SHISA6: variants seen among roughly 807,000 people sequenced by gnomAD.
The protein encoded by SHISA6 is shisa family member 6, also known as protein shisa-6.
Under a neutral mutation model 47.9 loss-of-function variants are expected in SHISA6, and 22 were observed. That is an observed-to-expected ratio of 0.46 (90% CI 0.33 to 0.66). The LOEUF (loss-of-function observed/expected upper bound fraction) is 0.66, where lower values mean the gene tolerates loss of function less well. Ranked by LOEUF, SHISA6 falls within the 30% of genes least tolerant of loss-of-function variation. The pLI, the probability that SHISA6 is intolerant of heterozygous loss-of-function variation, is 0.02. For missense variants in SHISA6, 680 were observed against 764.6 expected (o/e 0.89, Z 1.30); for synonymous variants, 388 against 337.8 (o/e 1.15, Z -1.63).
At chr17:11,366,455 G>A (rs1165029897) in intron 2 of SHISA6, among the ~76,000 whole-genome samples, 1 of 152,244 alleles carries the variant, frequency 6.6e-6, no homozygotes, top group African/African-American at 2.4e-5. Context: ...TGTATGTTAA[G>A]TGTAATATGA....
At chr17:11,523,122 T>C (rs1400790656) in intron 3 of SHISA6, among the ~76,000 whole-genome samples, 3 of 152,170 alleles carry the variant, frequency 2.0e-5, no homozygotes, top group African/African-American at 7.2e-5. Flanking sequence ...AAAAATCCCA[T>C]GGTAAGTTTT....
intron 2 of SHISA6, among the ~76,000 whole-genome samples, chr17:11,277,835 C>T (rs1335730545): frequency 6.6e-6 from 1 of 152,148 alleles, no homozygotes; most frequent in Non-Finnish European, 1.5e-5. Context: ...GCGTTCCAGA[C>T]ATCAGGAGGG....
chr17:11,359,806 A>G (rs1421676192), intron 2 of SHISA6, among the ~76,000 whole-genome samples: 1 of 152,208 alleles, frequency 6.6e-6, no homozygotes, highest in East Asian at 1.9e-4. Flanking sequence ...AAGCAACAGC[A>G]ACAAAAAACA....
chr17:11,395,002 T>C (rs562156276), intron 3 of SHISA6, among the ~76,000 whole-genome samples: 37 of 142,626 alleles, frequency 2.6e-4, no homozygotes, highest in East Asian at 6.0e-4. Context: ...TCTTTTCTTT[T>C]TTTTTTTTTT....
At chr17:11,350,557 A>C (rs915436921) in intron 2 of SHISA6, among the ~76,000 whole-genome samples, 9 of 152,180 alleles carry the variant, frequency 5.9e-5, no homozygotes, top group African/African-American at 2.2e-4. Flanking sequence ...CATCATATCT[A>C]GTTGATTCCT....
intron 2 of SHISA6, among the ~76,000 whole-genome samples, chr17:11,339,361 A>C (rs1040835093): frequency 6.6e-6 from 1 of 152,206 alleles, no homozygotes; most frequent in Non-Finnish European, 1.5e-5. Context: ...GAAAGATCTG[A>C]AATAGTAATC....
intron 2 of SHISA6, among the ~76,000 whole-genome samples, chr17:11,377,509 G>A (rs1912845464): frequency 6.6e-6 from 1 of 152,206 alleles, no homozygotes; most frequent in Non-Finnish European, 1.5e-5. Context: ...AGACTCTTGA[G>A]CCCTGTCCTG....
At chr17:11,281,406 T>G (rs559448323) in intron 2 of SHISA6, among the ~76,000 whole-genome samples, 19 of 152,326 alleles carry the variant, frequency 1.2e-4, no homozygotes, top group African/African-American at 4.6e-4. Flanking sequence ...TCTGTTGAGA[T>G]GATGATACAG....
At chr17:11,273,928 G>T (rs112335708) in intron 2 of SHISA6, among the ~76,000 whole-genome samples, 4,043 of 148,956 alleles carry the variant, frequency 0.027, 190 homozygotes, top group African/African-American at 0.093. Context: ...ATCATTTTAT[G>T]CCATTCAGGA....
At chr17:11,455,388 T>C (rs1025335016) in intron 3 of SHISA6, among the ~76,000 whole-genome samples, 1 of 152,150 alleles carries the variant, frequency 6.6e-6, no homozygotes, top group Non-Finnish European at 1.5e-5. Context: ...AAACGTGATG[T>C]AAATGTGAGA....
intron 2 of SHISA6, among the ~76,000 whole-genome samples, chr17:11,278,010 G>A (rs114999204): frequency 0.017 from 2,566 of 152,238 alleles, 75 homozygotes; most frequent in African/African-American, 0.058. Flanking sequence ...TGGCTATTGG[G>A]GGCTATTAAT....
chr17:11,385,104 C>T (rs543526303), intron 3 of SHISA6, among the ~76,000 whole-genome samples: 2 of 152,092 alleles, frequency 1.3e-5, no homozygotes, highest in Non-Finnish European at 2.9e-5. Context: ...GAGTTAGGAG[C>T]TTTGGAGCAA....
At chr17:11,340,522 T>C (rs1454519042) in intron 2 of SHISA6, among the ~76,000 whole-genome samples, 1 of 152,174 alleles carries the variant, frequency 6.6e-6, no homozygotes, top group African/African-American at 2.4e-5. Flanking sequence ...TTGCTTCTGC[T>C]CCATTCTGTT....
intron 3 of SHISA6, among the ~76,000 whole-genome samples, chr17:11,477,348 C>T (rs1184611376): frequency 6.6e-6 from 1 of 151,924 alleles, no homozygotes; most frequent in Non-Finnish European, 1.5e-5. Flanking sequence ...CATTTTCTTT[C>T]TGTCTTTTGT....
intron 3 of SHISA6, among the ~76,000 whole-genome samples, chr17:11,505,539 TG>T (rs2071491934): frequency 6.6e-6 from 1 of 152,220 alleles, no homozygotes; most frequent in South Asian, 2.1e-4. Context: ...AACACTGTTC[TG>T]GGAACCCGTC....
chr17:11,533,372 G>A (rs188010600), intron 3 of SHISA6, among the ~76,000 whole-genome samples: 113 of 152,066 alleles, frequency 7.4e-4, no homozygotes, highest in African/African-American at 2.5e-3. Context: ...TCAATTTGGC[G>A]TTAAAGTGCC....
intron 2 of SHISA6, among the ~76,000 whole-genome samples, chr17:11,350,182 A>ATTTATTTTTTTTTTTTTT (rs964679787): frequency 4.3e-5 from 5 of 116,234 alleles, no homozygotes; most frequent in Non-Finnish European, 6.9e-5. Context: ...TTATTTATTT[A>ATTTATTTTTTTTTTTTTT]TTTTTTTTTT....
At chr17:11,497,782 C>T (rs1029787254) in intron 3 of SHISA6, among the ~76,000 whole-genome samples, 1 of 152,110 alleles carries the variant, frequency 6.6e-6, no homozygotes, top group Non-Finnish European at 1.5e-5. Flanking sequence ...CCTTCTCTGT[C>T]TCTCGCATCC....
At chr17:11,292,051 A>G (rs996106690) in intron 2 of SHISA6, among the ~76,000 whole-genome samples, 1 of 152,146 alleles carries the variant, frequency 6.6e-6, no homozygotes, top group African/African-American at 2.4e-5. Context: ...CTACTGTCTT[A>G]GCAGCGTTCA....
Sources: allele counts gnomAD v4.1 joint callset (sites outside exome capture counted in the v4.1 genomes callset), GRCh38; gene constraint gnomAD v4.1.1; transcripts MANE v1.5; gene names NCBI Gene and HGNC (gene_info 2026-07-23, HGNC 2026-07-21).